The following KNSTRN variants were observed in gnomAD, a reference collection of about 807,000 sequenced individuals.
KNSTRN encodes the protein small kinetochore-associated protein.
KNSTRN carries 38 observed loss-of-function variants against 44.7 expected under a neutral mutation model. That is an observed-to-expected ratio of 0.85 (90% CI 0.66 to 1.11). The LOEUF is 1.11. Ranked by LOEUF, KNSTRN falls within the 50% of genes most tolerant of loss-of-function variation. The pLI is 0.00. For missense variants in KNSTRN, 406 were observed against 375.8 expected (o/e 1.08, Z -0.66); for synonymous variants, 158 against 148.1 (o/e 1.07, Z -0.48).
At chr15:40,383,707 G>A (rs910542475) in intron 2 of KNSTRN, among the ~76,000 whole-genome samples, 29 of 152,326 alleles carry the variant, frequency 1.9e-4, no homozygotes, top group African/African-American at 7.0e-4. Context: ...CATTTGAGAA[G>A]TGGGATACTT....
Position 40,383,262 on chromosome 15 carries a change from G to A in KNSTRN, c.244G>A (p.Val82Met). Residue 82 changes from valine to methionine, a missense_variant, in exon 2 of 9, where the codon GTG becomes ATG. Transcript: ENST00000249776. ...GTGCCGCCTCGTTACGATGACCAGT[G>A]TGGTTAAGACAGTGTATAGCCTGCA... is the stretch of plus-strand genomic sequence containing the variant. ...QPCRLVTMTSVVKTVYSLQPP... is the reference protein window; with the variant it reads ...QPCRLVTMTSMVKTVYSLQPP... 6 of 1,614,166 alleles carry A rather than the reference G, an allele frequency of 3.7e-6. No homozygotes were observed. The highest frequency in any genetic ancestry group is 5.1e-6 in the Non-Finnish European group (6 of 1,180,010).
intron 8 of KNSTRN, among the ~76,000 whole-genome samples, 164 bp downstream of exon 8, chr15:40,392,187 T>TTG (rs1890010940): frequency 3.8e-5 from 1 of 26,090 alleles, no homozygotes; most frequent in Non-Finnish European, 8.9e-5. Context: ...TAGTAACGTG[T>TTG]TTTTTTTTTT....
chr15:40,383,845 A>G (rs2141271677), intron 2 of KNSTRN, among the ~76,000 whole-genome samples: 1 of 152,340 alleles, frequency 6.6e-6, no homozygotes, highest in East Asian at 1.9e-4. Flanking sequence ...TTGGGCGAAG[A>G]GAGAGACATG....
intron 2 of KNSTRN, chr15:40,384,681 G>T: frequency 3.9e-6 from 1 of 256,072 alleles, no homozygotes. Flanking sequence ...TTTTTAGGCT[G>T]CCTCCCAGGA....
At chr15:40,392,567 C>T (rs1013396976) in intron 8 of KNSTRN, among the ~76,000 whole-genome samples, 1 of 152,160 alleles carries the variant, frequency 6.6e-6, no homozygotes, top group Admixed American at 6.5e-5. Flanking sequence ...TGGTACATAC[C>T]TGTAGTCCCA....
At chr15:40,393,281 A>G (rs754141045) in intron 8 of KNSTRN, 188 bp from the exon 9 acceptor site, 1 of 1,607,594 alleles carries the variant, frequency 6.2e-7, no homozygotes, top group Non-Finnish European at 8.5e-7. Context: ...CCTCTCTACT[A>G]CTAGAGGGAC....
At position 40,383,012 on chromosome 15, in the gene KNSTRN, G is replaced by C. The variant is rs1424504422; in HGVS notation, c.177G>C (p.Glu59Asp). The part of the protein sequence containing the change: ...VAAGNLLNES[E>D]KDCGQDRRAP... ...CAGGGAATCTTTTAAACGAGAGCGA[G>C]AAGGACTGCGGGCAGGACCGGCGGG... is the stretch of plus-strand genomic sequence containing the variant. Residue 59 changes from glutamate (E) to aspartate (D), a missense_variant, in exon 1 of 9, where the codon GAG (glutamate) becomes GAC (aspartate). By Grantham distance (45) the Glu-to-Asp change is conservative. Transcript: ENST00000249776. The C allele has an allele frequency of 6.2e-7, 1 of 1,611,656 alleles. No individual in the cohort carries two copies. Among genetic ancestry groups the C allele is most frequent in the Admixed American group, 1.7e-5 (1 of 60,036 alleles).
Position 40,393,539 on chromosome 15 carries a change from A to T in KNSTRN, c.893A>T (p.Asn298Ile), listed in dbSNP as rs1337393292. 2 of 1,614,166 alleles carry T rather than the reference A, an allele frequency of 1.2e-6. No homozygotes were observed. The change falls in exon 9 of 9, where the codon AAT becomes ATT. Residue 298 changes from asparagine (N) to isoleucine (I), a missense_variant. Coordinates refer to ENST00000249776, the MANE Select transcript of KNSTRN (RefSeq NM_033286.4). ...RFLEQQTLCNNQVNDLTTALK... is the reference protein window; with the variant it reads ...RFLEQQTLCNIQVNDLTTALK... ...CTAGAACAGCAAACCTTATGTAACA[A>T]TCAAGTAAATGATTTAACAACAGCC...
intron 4 of KNSTRN, chr15:40,389,164 AGACG>A: frequency 2.2e-6 from 1 of 456,840 alleles, no homozygotes; most frequent in Non-Finnish European, 4.4e-6. Flanking sequence ...TTTTTTTTTT[AGACG>A]GAGTTTTGCT....
At position 40,382,737 on chromosome 15, in the gene KNSTRN, C is replaced by G. The variant is rs1889825626; in HGVS notation, c.-99C>G. Reference sequence around the variant, plus strand: ...TGGTAGCTCATTAGCTCCATTCAAGCCTACAAATTGCATCACCCTCCTCCT... The same window carrying G: ...TGGTAGCTCATTAGCTCCATTCAAGGCTACAAATTGCATCACCCTCCTCCT... On this transcript the variant is annotated 5_prime_UTR_variant, in exon 1 of 9. Coordinates refer to ENST00000249776, the MANE Select transcript of KNSTRN (RefSeq NM_033286.4). 10 of 1,054,926 alleles carry G rather than the reference C, an allele frequency of 9.5e-6. No individual in the cohort carries two copies. Among genetic ancestry groups the G allele is most frequent in the Non-Finnish European group, 1.2e-5 (9 of 727,802 alleles). 65.3% of individuals were successfully genotyped at this position (1,054,926 alleles called of 1,614,324 possible).
chr15:40,386,367 C>G lies in KNSTRN; in HGVS notation c.310C>G (p.Gln104Glu). Residue 104 changes from glutamine to glutamate, a missense_variant, in exon 3 of 9, where the codon CAA becomes GAA. Transcript: ENST00000249776. ...CCTCTCATTTTCCTTTGCAGACACA[C>G]AAACTCGGGCCACTTCTAAGAGTCT... ...ALSGGQPADT[Q>E]TRATSKSLLP... 1 of 1,613,432 alleles carries G rather than the reference C, an allele frequency of 6.2e-7. No homozygotes were observed. Among genetic ancestry groups the G allele is most frequent in the Admixed American group, 1.7e-5 (1 of 59,906 alleles).
Position 40,393,593 on chromosome 15 carries a change from T to C in KNSTRN, c.947T>C (p.Met316Thr). Residue 316 changes from methionine to threonine, a missense_variant, in exon 9 of 9, where the codon ATG becomes ACG. Met to Thr is a moderately conservative substitution (Grantham distance 81, BLOSUM62 -1). Transcript: ENST00000249776. ...ALKEMEQLLE[M>T] ...AAGGAAATGGAGCAGCTATTAGAAA[T>C]GTAAGAAGAAGCAAGTGGCCAGATG... 6.2e-7 allele frequency: 1 copy of C among 1,613,336 alleles called. No homozygotes were observed. Among genetic ancestry groups the C allele is most frequent in the East Asian group, 2.2e-5 (1 of 44,866 alleles).
At chr15:40,388,848 T>G (rs1889947540) in intron 4 of KNSTRN, among the ~76,000 whole-genome samples, 1 of 152,158 alleles carries the variant, frequency 6.6e-6, no homozygotes, top group Non-Finnish European at 1.5e-5. Flanking sequence ...TATGGCCAGT[T>G]TTGGGGCCAG....
chr15:40,393,199 T>C (rs751630871), intron 8 of KNSTRN: 14 of 1,613,802 alleles, frequency 8.7e-6, no homozygotes, highest in Non-Finnish European at 1.2e-5. Context: ...TCAGATTGCT[T>C]GGATGAATCA....
In KNSTRN at chr15:40,382,943, T is replaced by A. The variant is rs1399210143; in HGVS notation, c.108T>A (p.Phe36Leu). 1 of 1,612,166 alleles carries A rather than the reference T, an allele frequency of 6.2e-7. No homozygotes were observed. The highest frequency in any genetic ancestry group is 1.3e-5 in the African/African-American group (1 of 74,848). The stretch of plus-strand genomic sequence containing the variant: ...CGCCTAGCTACCGGAAGTTTCTATT[T>A]GAAACCCAGGCGGCCGACTTAGCCG... Reference protein sequence around the residue: ...PLPPSYRKFLFETQAADLAGG... With the variant: ...PLPPSYRKFLLETQAADLAGG... The change falls in exon 1 of 9, where the codon TTT becomes TTA. Residue 36 changes from phenylalanine (F) to leucine (L), a missense_variant. Physicochemically the swap from Phe to Leu is conservative, Grantham distance 22. Transcript: ENST00000249776.
At chr15:40,391,917 G>A in intron 7 of KNSTRN, 32 bp from the exon 8 acceptor site, 1 of 1,570,164 alleles carries the variant, frequency 6.4e-7, no homozygotes. Flanking sequence ...TTTATATGAA[G>A]ATTTGTTTAC....
intron 2 of KNSTRN, chr15:40,384,280 A>C (rs181738257): frequency 3.3e-6 from 1 of 300,466 alleles, no homozygotes; most frequent in Non-Finnish European, 6.6e-6. Flanking sequence ...AGGCTGAGGC[A>C]GGAGAATGGC....
At chr15:40,392,200 A>G (rs1555401631) in intron 8 of KNSTRN, among the ~76,000 whole-genome samples, 177 bp downstream of exon 8, 2 of 136,184 alleles carry the variant, frequency 1.5e-5, no homozygotes, top group Non-Finnish European at 3.2e-5. Context: ...TTTTTTTTCC[A>G]ACTTTTAAGT....
chr15:40,388,850 T>G (rs1889947592), intron 4 of KNSTRN, among the ~76,000 whole-genome samples: 1 of 152,206 alleles, frequency 6.6e-6, no homozygotes, highest in South Asian at 2.1e-4. Flanking sequence ...TGGCCAGTTT[T>G]GGGGCCAGTT....
Sources: gnomAD v4.1 joint callset for allele counts (sites outside exome capture counted in the v4.1 genomes callset) on GRCh38, gnomAD v4.1.1 for gene constraint, MANE v1.5 for transcripts, NCBI Gene and HGNC (gene_info 2026-07-23, HGNC 2026-07-21) for gene names.